The following CDH10 variants were observed in gnomAD, a reference collection of about 807,000 sequenced individuals.
CDH10 encodes cadherin 10.
In CDH10, 30 loss-of-function variants were observed where a neutral mutation model predicts 73.1. The observed-to-expected ratio is 0.41, with a 90% CI of 0.31 to 0.56. The LOEUF is 0.56. CDH10 is among the 20% of genes least tolerant of loss of function. The pLI is 0.27. For synonymous variants in CDH10, 345 were observed against 348.2 expected (o/e 0.99, Z 0.10); for missense variants, 815 against 973.7 (o/e 0.84, Z 2.17).
At chr5:24,505,091 G>C (rs2111724923) in intron 8 of CDH10, 21 bp downstream of exon 8, 2 of 1,530,160 alleles carry the variant, frequency 1.3e-6, no homozygotes, top group Non-Finnish European at 1.8e-6. Flanking sequence ...ATATATGTTA[G>C]ATACATAAAA....
intron 2 of CDH10, among the ~76,000 whole-genome samples, chr5:24,538,608 C>G (rs1486573796): frequency 6.6e-6 from 1 of 152,088 alleles, no homozygotes; most frequent in Non-Finnish European, 1.5e-5. Context: ...AACAGATGCC[C>G]TTAAGGCTAG....
chr5:24,516,347 T>C (rs958995494), intron 5 of CDH10, among the ~76,000 whole-genome samples: 1 of 152,124 alleles, frequency 6.6e-6, no homozygotes, highest in African/African-American at 2.4e-5. Context: ...TTAATACATA[T>C]CTTGGTGAAG....
chr5:24,590,950 A>T (rs1214791267), intron 2 of CDH10, among the ~76,000 whole-genome samples: 3 of 152,094 alleles, frequency 2.0e-5, no homozygotes, highest in African/African-American at 7.2e-5. Context: ...TAAAGGATGT[A>T]AAAACCGGAA....
chr5:24,589,800 A>C (rs1746139998), intron 2 of CDH10, among the ~76,000 whole-genome samples: 1 of 152,122 alleles, frequency 6.6e-6, no homozygotes, highest in African/African-American at 2.4e-5. Flanking sequence ...ACATGTAAAA[A>C]GATATTAAAC....
chr5:24,615,067 A>T (rs933076267), intron 1 of CDH10, among the ~76,000 whole-genome samples: 5 of 152,132 alleles, frequency 3.3e-5, no homozygotes, highest in African/African-American at 1.2e-4. Flanking sequence ...TTTCTTCTCA[A>T]CTTGCCCACA....
At chr5:24,587,505 C>A (rs1422816696) in intron 2 of CDH10, among the ~76,000 whole-genome samples, 1 of 152,002 alleles carries the variant, frequency 6.6e-6, no homozygotes, top group East Asian at 1.9e-4. Flanking sequence ...TACATATGTA[C>A]TTGTGTGAAT....
intron 2 of CDH10, among the ~76,000 whole-genome samples, chr5:24,569,765 G>C (rs557151481): frequency 4.0e-5 from 6 of 148,748 alleles, no homozygotes; most frequent in African/African-American, 1.5e-4. Flanking sequence ...ACAAATGTGT[G>C]CTTTTTTTTT....
intron 5 of CDH10, among the ~76,000 whole-genome samples, chr5:24,525,852 G>A (rs1237573516): frequency 3.3e-5 from 5 of 152,042 alleles, no homozygotes; most frequent in East Asian, 1.9e-4. Flanking sequence ...AGCTTTCAGC[G>A]AAGCTGCCAT....
chr5:24,609,430 G>C (rs925794923), intron 1 of CDH10, among the ~76,000 whole-genome samples: 1 of 152,164 alleles, frequency 6.6e-6, no homozygotes, highest in African/African-American at 2.4e-5. Flanking sequence ...ACACAATCCA[G>C]TGTGCGCTGA....
intron 2 of CDH10, among the ~76,000 whole-genome samples, chr5:24,564,306 C>G (rs1204674613): frequency 1.3e-5 from 2 of 152,166 alleles, no homozygotes; most frequent in Non-Finnish European, 2.9e-5. Context: ...TCTGGACCTA[C>G]TTTTGTGAAG....
chr5:24,564,945 A>G (rs1276756966), intron 2 of CDH10, among the ~76,000 whole-genome samples: 1 of 152,100 alleles, frequency 6.6e-6, no homozygotes, highest in African/African-American at 2.4e-5. Flanking sequence ...TCCATTGAGT[A>G]TATGCCCACC....
At chr5:24,489,459 T>C (rs1449149526) in intron 11 of CDH10, among the ~76,000 whole-genome samples, 1 of 152,148 alleles carries the variant, frequency 6.6e-6, no homozygotes, top group East Asian at 1.9e-4. Context: ...TAAGAAAATA[T>C]GCCATTTTAT....
intron 8 of CDH10, chr5:24,499,556 A>G (rs1198125350): frequency 2.0e-5 from 3 of 152,150 alleles, no homozygotes; most frequent in Non-Finnish European, 2.9e-5. Context: ...GTGTTGTGGC[A>G]AGAGCCTGTA....
chr5:24,549,251 TAGA>T (rs1439225281), intron 2 of CDH10, among the ~76,000 whole-genome samples: 2 of 152,108 alleles, frequency 1.3e-5, no homozygotes, highest in Non-Finnish European at 2.9e-5. Context: ...ATCAGATTTC[TAGA>T]AGGAGAAAGA....
chr5:24,504,314 G>A (rs10078493), intron 8 of CDH10, among the ~76,000 whole-genome samples: 61,726 of 151,392 alleles, frequency 0.41, 13,278 homozygotes, highest in East Asian at 0.58. Flanking sequence ...TTCCATACAA[G>A]TGATTCAGAT....
At chr5:24,621,135 GAGCCCTT>G (rs1747303210) in intron 1 of CDH10, among the ~76,000 whole-genome samples, 1 of 151,950 alleles carries the variant, frequency 6.6e-6, no homozygotes, top group Non-Finnish European at 1.5e-5. Context: ...CAGGTCATGA[GAGCCCTT>G]AGTGTGCCTC....
chr5:24,521,569 G>T (rs965636068), intron 5 of CDH10, among the ~76,000 whole-genome samples: 2 of 151,786 alleles, frequency 1.3e-5, no homozygotes, highest in Non-Finnish European at 2.9e-5. Flanking sequence ...CTGAGATAGT[G>T]CCATTGCACT....
intron 9 of CDH10, among the ~76,000 whole-genome samples, chr5:24,495,706 G>T (rs749859634): frequency 6.6e-6 from 1 of 151,914 alleles, no homozygotes; most frequent in African/African-American, 2.4e-5. Context: ...AATCAGGCGG[G>T]CGTGGTGGTG....
At chr5:24,497,368 G>C (rs1480241112) in intron 9 of CDH10, among the ~76,000 whole-genome samples, 1 of 151,836 alleles carries the variant, frequency 6.6e-6, no homozygotes, top group East Asian at 2.0e-4. Flanking sequence ...ATTTGGAATG[G>C]TATTTTTGGG....
Sources: gnomAD v4.1 joint callset for allele counts (sites outside exome capture counted in the v4.1 genomes callset) on GRCh38, gnomAD v4.1.1 for gene constraint, MANE v1.5 for transcripts, NCBI Gene and HGNC (gene_info 2026-07-23, HGNC 2026-07-21) for gene names.